Variants in PHACTR1 observed in about 807,000 individuals in gnomAD.
PHACTR1 encodes the protein RPEL repeat containing 1.
PHACTR1 carries 16 observed loss-of-function variants against 69.2 expected under a neutral mutation model. The observed-to-expected ratio is 0.23, with a 90% CI of 0.16 to 0.35. PHACTR1 has a LOEUF of 0.35. PHACTR1 is among the 10% of genes least tolerant of loss of function. The probability of loss-of-function intolerance (pLI) is 1.00; values close to 1 mark genes in which losing one functional copy is unlikely to be tolerated. For synonymous variants in PHACTR1, 312 were observed against 284.5 expected (o/e 1.10, Z -0.97); for missense variants, 510 against 734.7 (o/e 0.69, Z 3.54).
At chr6:12,887,298 A>T (rs138199940) in intron 4 of PHACTR1, among the ~76,000 whole-genome samples, 2 of 152,360 alleles carry the variant, frequency 1.3e-5, no homozygotes, top group African/African-American at 2.4e-5. Flanking sequence ...CTAAAATGCC[A>T]GGCACCTGAA....
chr6:13,010,846 A>G (rs1799373983), intron 4 of PHACTR1, among the ~76,000 whole-genome samples: 1 of 152,094 alleles, frequency 6.6e-6, no homozygotes, highest in Admixed American at 6.5e-5. Flanking sequence ...AGGAAACGAT[A>G]ATAATGGACA....
chr6:12,753,820 C>A (rs1766908509), intron 4 of PHACTR1, among the ~76,000 whole-genome samples: 1 of 151,944 alleles, frequency 6.6e-6, no homozygotes, highest in African/African-American at 2.4e-5. Context: ...AACTAGGTCC[C>A]AGGGTACCTC....
intron 4 of PHACTR1, among the ~76,000 whole-genome samples, chr6:12,871,469 A>G (rs1782020781): frequency 6.6e-6 from 1 of 152,116 alleles, no homozygotes; most frequent in Non-Finnish European, 1.5e-5. Context: ...CCCTTTGATT[A>G]TGTGGTTTGT....
intron 3 of PHACTR1, among the ~76,000 whole-genome samples, chr6:12,741,947 T>C (rs1765102803): frequency 3.9e-5 from 6 of 152,336 alleles, no homozygotes; most frequent in Admixed American, 3.9e-4. Flanking sequence ...TAATGTTTTA[T>C]AGTTTTTCAT....
intron 4 of PHACTR1, among the ~76,000 whole-genome samples, chr6:12,909,588 T>C (rs1282178473): frequency 6.6e-6 from 1 of 152,236 alleles, no homozygotes; most frequent in Non-Finnish European, 1.5e-5. Context: ...ATGATTGTTA[T>C]GAGTAGGTGA....
At chr6:12,734,071 T>C (rs574951644) in intron 3 of PHACTR1, among the ~76,000 whole-genome samples, 3 of 152,284 alleles carry the variant, frequency 2.0e-5, no homozygotes, top group South Asian at 4.1e-4. Context: ...CCAGCCCCTC[T>C]GCACAGTGTC....
At chr6:13,242,502 C>T (rs1043585446) in intron 10 of PHACTR1, among the ~76,000 whole-genome samples, 19 of 152,194 alleles carry the variant, frequency 1.2e-4, no homozygotes, top group African/African-American at 4.6e-4. Context: ...GCACCAGGTA[C>T]ATCTGAATGG....
At chr6:13,124,830 T>TA in intron 5 of PHACTR1, among the ~76,000 whole-genome samples, 1 of 152,334 alleles carries the variant, frequency 6.6e-6, no homozygotes, top group Middle Eastern at 3.4e-3. Context: ...TGTCTCTTCT[T>TA]ATAAGTATGT....
At chr6:12,929,284 C>G (rs1788617189) in intron 4 of PHACTR1, among the ~76,000 whole-genome samples, 1 of 152,122 alleles carries the variant, frequency 6.6e-6, no homozygotes, top group African/African-American at 2.4e-5. Flanking sequence ...AGCCGCTTCT[C>G]CTGCCCTAAC....
chr6:13,167,987 A>G (rs886404159), intron 6 of PHACTR1, among the ~76,000 whole-genome samples: 3 of 152,218 alleles, frequency 2.0e-5, no homozygotes, highest in African/African-American at 4.8e-5. Flanking sequence ...CTTAAATCCC[A>G]TAGTTTATCT....
intron 4 of PHACTR1, among the ~76,000 whole-genome samples, chr6:12,970,664 G>A (rs938017428): frequency 6.6e-6 from 1 of 152,180 alleles, no homozygotes; most frequent in African/African-American, 2.4e-5. Context: ...GCTGAGGCAC[G>A]AGCATCGTTT....
intron 3 of PHACTR1, among the ~76,000 whole-genome samples, chr6:12,729,212 C>A (rs537091116): frequency 6.6e-6 from 1 of 152,292 alleles, no homozygotes; most frequent in East Asian, 1.9e-4. Flanking sequence ...AGAACAAGAA[C>A]AAGCAGCACA....
chr6:12,936,055 A>G (rs1789413044), intron 4 of PHACTR1, among the ~76,000 whole-genome samples: 1 of 152,064 alleles, frequency 6.6e-6, no homozygotes, highest in Non-Finnish European at 1.5e-5. Flanking sequence ...ATTAAAAAAA[A>G]AAAAACAGAT....
chr6:13,188,064 G>A (rs971189297), intron 7 of PHACTR1, among the ~76,000 whole-genome samples: 18 of 152,168 alleles, frequency 1.2e-4, no homozygotes, highest in African/African-American at 4.1e-4. Context: ...TGGCTTCCCT[G>A]GTCCTTTCCT....
At chr6:12,730,263 T>C (rs1016102308) in intron 3 of PHACTR1, among the ~76,000 whole-genome samples, 7 of 152,234 alleles carry the variant, frequency 4.6e-5, no homozygotes, top group Admixed American at 4.6e-4. Context: ...GGAGATTGTT[T>C]ATAAAAACAT....
intron 5 of PHACTR1, among the ~76,000 whole-genome samples, chr6:13,122,540 G>A (rs990918872): frequency 3.9e-5 from 6 of 152,188 alleles, no homozygotes; most frequent in African/African-American, 7.2e-5. Flanking sequence ...GGACTTTCCC[G>A]CTAGAATGAG....
At chr6:12,724,915 C>T (rs1380016929) in intron 3 of PHACTR1, among the ~76,000 whole-genome samples, 1 of 152,160 alleles carries the variant, frequency 6.6e-6, no homozygotes, top group African/African-American at 2.4e-5. Flanking sequence ...CTAGGCAATC[C>T]TAGTGACTCC....
intron 4 of PHACTR1, among the ~76,000 whole-genome samples, chr6:12,928,622 T>TCCAG (rs58591563): frequency 0.43 from 19,486 of 45,018 alleles, 3,381 homozygotes; most frequent in African/African-American, 0.6. Context: ...CACCCACCCA[T>TCCAG]CCATCCATCC....
At chr6:12,943,618 C>T (rs1309285115) in intron 4 of PHACTR1, among the ~76,000 whole-genome samples, 3 of 152,206 alleles carry the variant, frequency 2.0e-5, no homozygotes, top group Non-Finnish European at 4.4e-5. Flanking sequence ...AAGACACATT[C>T]TCTATCCTCA....
Sources: gnomAD v4.1 joint callset for allele counts (sites outside exome capture counted in the v4.1 genomes callset) on GRCh38, gnomAD v4.1.1 for gene constraint, MANE v1.5 for transcripts, NCBI Gene and HGNC (gene_info 2026-07-23, HGNC 2026-07-21) for gene names.